Variants in ABCB1 observed in about 807,000 individuals in gnomAD.
The protein encoded by ABCB1 is ATP-dependent translocase ABCB1.
In ABCB1, 69 loss-of-function variants were observed where a neutral mutation model predicts 142.0. The ratio of observed to expected loss-of-function variants is 0.49; its 90% CI spans 0.40 to 0.59. The LOEUF (loss-of-function observed/expected upper bound fraction) is 0.59, where lower values mean the gene tolerates loss of function less well. Among genes scored for constraint, ABCB1 ranks in the 20% least tolerant of loss-of-function variants. ABCB1 has a pLI of 0.00. For synonymous variants in ABCB1, 532 were observed against 539.2 expected (o/e 0.99, Z 0.18); for missense variants, 1,326 against 1,554.7 (o/e 0.85, Z 2.47).
At chr7:87,527,881 T>C (rs941708367) in intron 21 of ABCB1, among the ~76,000 whole-genome samples, 4 of 152,098 alleles carry the variant, frequency 2.6e-5, no homozygotes, top group African/African-American at 4.8e-5. Flanking sequence ...GTTCTCATGC[T>C]GCTAATAAAG....
At chr7:87,602,042 G>A (rs1335181558), upstream of ABCB1, among the ~76,000 whole-genome samples, 1 of 152,000 alleles carries the variant, frequency 6.6e-6, no homozygotes, top group East Asian at 1.9e-4. Flanking sequence ...CGCCCAGGCT[G>A]GAGTGCAGTG....
chr7:87,585,641 C>A lies in ABCB1; in HGVS notation c.157G>T (p.Val53Leu). Residue 53 changes from valine to leucine, a missense_variant, in exon 4 of 28, where the codon GTG (valine) becomes TTG (leucine). Val to Leu is a conservative substitution (Grantham distance 32). Transcript: ENST00000622132. ...TGGATGATGGCAGCCAAAGTTCCCA[C>A]CACCATATACAACTTGTCAAGCCAA... Reference protein sequence around the residue: ...SNWLDKLYMVVGTLAAIIHGA... With the variant: ...SNWLDKLYMVLGTLAAIIHGA... 1 of 1,613,956 alleles carries A rather than the reference C, an allele frequency of 6.2e-7. No homozygotes were observed. The highest frequency in any genetic ancestry group is 8.5e-7 in the Non-Finnish European group (1 of 1,179,924).
intron 1 of ABCB1, among the ~76,000 whole-genome samples, chr7:87,607,228 A>G (rs1328748102): frequency 6.6e-6 from 1 of 152,156 alleles, no homozygotes; most frequent in Non-Finnish European, 1.5e-5. Context: ...AGTTATTGAG[A>G]AGATCAAAGC....
At chr7:87,702,951 A>G (rs1394211901) in intron 1 of ABCB1, among the ~76,000 whole-genome samples, 1 of 152,096 alleles carries the variant, frequency 6.6e-6, no homozygotes, top group African/African-American at 2.4e-5. Flanking sequence ...AACTCACTCA[A>G]CTCAGGTATC....
intron 26 of ABCB1, 126 bp from the exon 27 acceptor site, chr7:87,506,169 T>C: frequency 1.1e-6 from 1 of 928,150 alleles, no homozygotes; most frequent in South Asian, 1.5e-5. Flanking sequence ...TAAGAATGGT[T>C]CATGAATAAT....
At chr7:87,671,252 G>A (rs759767137) in intron 1 of ABCB1, among the ~76,000 whole-genome samples, 1 of 152,164 alleles carries the variant, frequency 6.6e-6, no homozygotes, top group African/African-American at 2.4e-5. Flanking sequence ...GTGTGGACAC[G>A]ACACTTAGGG....
chr7:87,706,632 C>G (rs1829614890), intron 1 of ABCB1, among the ~76,000 whole-genome samples: 1 of 152,194 alleles, frequency 6.6e-6, no homozygotes, highest in African/African-American at 2.4e-5. Context: ...GCCGCACATC[C>G]ATCTTTGCTT....
chr7:87,570,894 G>C (rs1477790047), intron 4 of ABCB1, among the ~76,000 whole-genome samples: 1 of 151,960 alleles, frequency 6.6e-6, no homozygotes, highest in Non-Finnish European at 1.5e-5. Context: ...TTTAACAATG[G>C]AGTCATAGTT....
chr7:87,655,026 A>C (rs1823946874), intron 1 of ABCB1, among the ~76,000 whole-genome samples: 1 of 152,128 alleles, frequency 6.6e-6, no homozygotes, highest in Non-Finnish European at 1.5e-5. Context: ...CAAACAGCCG[A>C]AGGATAACAA....
chr7:87,614,628 G>A (rs370588057), intron 1 of ABCB1, among the ~76,000 whole-genome samples: 3 of 152,080 alleles, frequency 2.0e-5, no homozygotes, highest in Admixed American at 6.6e-5. Context: ...AGAGTGTTGC[G>A]ATCTAAAATA....
intron 21 of ABCB1, among the ~76,000 whole-genome samples, chr7:87,530,954 G>A (rs1239364109): frequency 6.6e-6 from 1 of 151,568 alleles, no homozygotes. Flanking sequence ...AGGAAGGAAA[G>A]AAGGAAGGAA....
Position 87,521,620 on chromosome 7 carries a change from C to T in ABCB1, c.2686-744G>A, listed in dbSNP as rs566871876. ...GGTAATGAGAGATCCAAATACCAAGCGCTCAAGGGACTTTGGGTTTGTCAC... is the reference window on the plus strand; with the variant it reads ...GGTAATGAGAGATCCAAATACCAAGTGCTCAAGGGACTTTGGGTTTGTCAC... On this transcript the variant is annotated intron_variant, in intron 21 of 27. Transcript: ENST00000622132. 3.2e-3 allele frequency: 2,451 copies of T among 771,216 alleles called. 11 individuals are homozygous for T. The highest frequency in any genetic ancestry group is 4.0e-3 in the Non-Finnish European group (1,714 of 426,128). The allele number at this position is 771,216 out of a possible 1,614,324, so 47.8% of individuals were successfully genotyped here. A position where few individuals can be genotyped will look rare whatever the true frequency, so the allele number is the denominator to read the frequency against.
intron 1 of ABCB1, among the ~76,000 whole-genome samples, chr7:87,696,002 T>A (rs1828463387): frequency 6.6e-6 from 1 of 152,124 alleles, no homozygotes; most frequent in Non-Finnish European, 1.5e-5. Flanking sequence ...TGTCTTTTAG[T>A]CTAGCAAACT....
chr7:87,591,245 C>A (rs1818987979), intron 3 of ABCB1, among the ~76,000 whole-genome samples: 1 of 152,100 alleles, frequency 6.6e-6, no homozygotes, highest in Admixed American at 6.6e-5. Context: ...GGAAACAGAG[C>A]CTCCAGAAGA....
chr7:87,562,350 CTT>C (rs1817592553), intron 7 of ABCB1, among the ~76,000 whole-genome samples: 1 of 152,186 alleles, frequency 6.6e-6, no homozygotes, highest in African/African-American at 2.4e-5. Flanking sequence ...TCAAAGCAAT[CTT>C]CCTGGGGCTG....
At chr7:87,593,641 C>T (rs1819083673) in intron 3 of ABCB1, among the ~76,000 whole-genome samples, 1 of 152,176 alleles carries the variant, frequency 6.6e-6, no homozygotes, top group Admixed American at 6.6e-5. Context: ...GCAGTTCTGC[C>T]TTCCTTCTAT....
intron 1 of ABCB1, among the ~76,000 whole-genome samples, chr7:87,687,031 T>C (rs1310591929): frequency 6.6e-6 from 1 of 152,080 alleles, no homozygotes; most frequent in Non-Finnish European, 1.5e-5. Context: ...GTAGCACTTA[T>C]TAAAGAAAAA....
intron 5 of ABCB1, 26 bp from the exon 6 acceptor site, chr7:87,567,002 A>G (rs892577171): frequency 5.6e-6 from 9 of 1,605,286 alleles, no homozygotes; most frequent in East Asian, 2.2e-5. Flanking sequence ...AACACTGCAC[A>G]TGCTCTCTGT....
intron 1 of ABCB1, among the ~76,000 whole-genome samples, chr7:87,626,015 TATATATATAGAGAG>T (rs1820421475): frequency 1.4e-5 from 2 of 138,288 alleles, no homozygotes; most frequent in African/African-American, 5.9e-5. Context: ...TGTACATATA[TATATATATAGAGAG>T]AGAGAGAGAG....
Sources: allele counts gnomAD v4.1 joint callset (sites outside exome capture counted in the v4.1 genomes callset), GRCh38; gene constraint gnomAD v4.1.1; transcripts MANE v1.5; gene names NCBI Gene and HGNC (gene_info 2026-07-23, HGNC 2026-07-21).